The following BBS4 variants were observed in gnomAD, a reference collection of about 807,000 sequenced individuals.
BBS4 encodes BBSome complex member BBS4.
A neutral mutation model predicts 71.4 loss-of-function variants in BBS4; 58 were observed. The observed-to-expected ratio is 0.81, with a 90% CI of 0.66 to 1.01. The LOEUF is 1.01. Ranked by LOEUF, BBS4 falls within the 50% of genes least tolerant of loss-of-function variation. The pLI is 0.00. For missense variants in BBS4, 660 were observed against 607.9 expected (o/e 1.09, Z -0.90); for synonymous variants, 228 against 216.8 (o/e 1.05, Z -0.46).
intron 8 of BBS4, among the ~76,000 whole-genome samples, chr15:72,726,190 C>T (rs1261157945): frequency 6.6e-6 from 1 of 151,776 alleles, no homozygotes; most frequent in African/African-American, 2.4e-5. Context: ...CGCCTCACTG[C>T]AACCTCTGCC....
intron 6 of BBS4, 100 bp from the exon 7 acceptor site, chr15:72,722,694 C>G: frequency 9.2e-7 from 1 of 1,092,800 alleles, no homozygotes; most frequent in Admixed American, 1.8e-5. Context: ...AAAGTTTAAA[C>G]CTTGCCGAGC....
At position 72,725,765 on chromosome 15, in the gene BBS4, C is replaced by CCCCCTTCCTCTT. The variant is rs377550904; in HGVS notation, c.587+1121_587+1132dup. Reference sequence around the variant, plus strand: ...CCTTTCCCTTTCCCCCTTCCCCCTTCCCCCTTCCTCTTCCCCTTCCTCCTT... The same window carrying CCCCCTTCCTCTT: ...CCTTTCCCTTTCCCCCTTCCCCCTTCCCCCTTCCTCTTCCCCTTCCTCTTCCCCTTCCTCCTT... On this transcript the variant is annotated intron_variant, in intron 8 of 15. Transcript: ENST00000268057. Among the ~76,000 whole-genome samples the CCCCCTTCCTCTT allele has an allele frequency of 7.8e-3, 492 of 63,048 alleles. 98 individuals are homozygous for CCCCCTTCCTCTT. In the East Asian group the frequency reaches 0.082, roughly 11 times the overall value. The allele number at this position is 63,048 out of a possible 152,430, so 41.4% of individuals were successfully genotyped here.
chr15:72,709,875 T>C, intron 3 of BBS4, 96 bp downstream of exon 3: 1 of 995,020 alleles, frequency 1.0e-6, no homozygotes, highest in South Asian at 1.3e-5. Context: ...TATATCTCAG[T>C]GATAAAACAT....
chr15:72,709,779 G>GGT lies in BBS4; in HGVS notation c.156+1_156+2dup. Reference sequence around the variant, plus strand: ...TCCGGAAAGATTATGAAGCCTGCAAGGTAAGAGATTGCCATAATAATAAAA... The same window carrying GGT: ...TCCGGAAAGATTATGAAGCCTGCAAGGTGTAAGAGATTGCCATAATAATAAAA... On this transcript the variant is annotated frameshift_variant and splice_region_variant. Coordinates refer to ENST00000268057, the MANE Select transcript of BBS4 (RefSeq NM_033028.5). LOFTEE classifies it high-confidence loss of function. The GGT allele has an allele frequency of 6.2e-7, 1 of 1,611,628 alleles. No individual in the cohort carries two copies. The highest frequency in any genetic ancestry group is 8.5e-7 in the Non-Finnish European group (1 of 1,178,140).
At chr15:72,700,006 C>A (rs2065141916) in intron 2 of BBS4, among the ~76,000 whole-genome samples, 1 of 152,184 alleles carries the variant, frequency 6.6e-6, no homozygotes, top group South Asian at 2.1e-4. Flanking sequence ...GTGGTGCGAT[C>A]TCAGCTCACT....
At chr15:72,726,931 A>C (rs2065713536) in intron 8 of BBS4, among the ~76,000 whole-genome samples, 1 of 152,264 alleles carries the variant, frequency 6.6e-6, no homozygotes, top group South Asian at 2.1e-4. Context: ...CTGAAGCCTT[A>C]CTGAGAAGAT....
At chr15:72,715,191 G>A (rs2065445785) in intron 4 of BBS4, 100 bp from the exon 5 acceptor site, 3 of 795,676 alleles carry the variant, frequency 3.8e-6, no homozygotes, top group South Asian at 1.4e-5. Context: ...TTTACTTGAT[G>A]TGGTTTCCCA....
intron 4 of BBS4, among the ~76,000 whole-genome samples, chr15:72,713,043 C>G (rs2065403850): frequency 6.7e-6 from 1 of 149,374 alleles, no homozygotes; most frequent in African/African-American, 2.5e-5. Flanking sequence ...GGTAGAGAGA[C>G]AGAGTCTCAC....
At chr15:72,729,201 T>A (rs2151043123) in intron 9 of BBS4, among the ~76,000 whole-genome samples, 1 of 120,314 alleles carries the variant, frequency 8.3e-6, no homozygotes. Flanking sequence ...TCAAGAGAAC[T>A]CAAAAAAGCC....
At chr15:72,730,406 G>A (rs986297922) in intron 10 of BBS4, among the ~76,000 whole-genome samples, 4 of 152,296 alleles carry the variant, frequency 2.6e-5, no homozygotes, top group African/African-American at 7.2e-5. Flanking sequence ...AGACCAGGCT[G>A]GGCCACATAG....
At chr15:72,726,874 A>C (rs1358913432) in intron 8 of BBS4, among the ~76,000 whole-genome samples, 1 of 152,242 alleles carries the variant, frequency 6.6e-6, no homozygotes, top group Non-Finnish European at 1.5e-5. Context: ...CTGATCAAGG[A>C]CTTTGGTCAC....
intron 12 of BBS4, among the ~76,000 whole-genome samples, chr15:72,733,000 T>C (rs1046591982): frequency 6.6e-6 from 1 of 152,098 alleles, no homozygotes; most frequent in Non-Finnish European, 1.5e-5. Flanking sequence ...ATTGGCCCAG[T>C]GTCAGGGCCC....
At chr15:72,736,065 T>G (rs2065917800) in intron 14 of BBS4, 99 bp downstream of exon 14, 1 of 1,370,864 alleles carries the variant, frequency 7.3e-7, no homozygotes, top group African/African-American at 1.4e-5. Context: ...TACACGTTCA[T>G]GGCTGTTCTG....
At chr15:72,726,286 A>G (rs1189032927) in intron 8 of BBS4, among the ~76,000 whole-genome samples, 2 of 151,782 alleles carry the variant, frequency 1.3e-5, no homozygotes, top group Non-Finnish European at 2.9e-5. Flanking sequence ...TAATGTTTGT[A>G]TTTTTAGCAG....
intron 4 of BBS4, among the ~76,000 whole-genome samples, chr15:72,713,415 C>T (rs927605598): frequency 6.6e-6 from 1 of 151,992 alleles, no homozygotes; most frequent in African/African-American, 2.4e-5. Context: ...CACTGTCTTC[C>T]ACCTCCTTAT....
chr15:72,735,353 C>G lies in BBS4; in HGVS notation c.1106+171C>G, dbSNP rs138547420. 1.5e-4 allele frequency: 98 copies of G among 661,660 alleles called. No homozygotes were observed. In the East Asian group the frequency reaches 2.4e-3, roughly 16 times the overall value. 41.0% of individuals were successfully genotyped at this position (661,660 alleles called of 1,614,324 possible). On this transcript the variant is annotated intron_variant, in intron 13 of 15. Transcript: ENST00000268057. ...TGTGTCTCCTAAGTATGTGGTGGCT[C>G]AGCAGGAATTGACACTCTGAGAAAA...
chr15:72,705,711 C>T lies in BBS4; in HGVS notation c.77-3989C>T, dbSNP rs144346785. Among the ~76,000 whole-genome samples the T allele has an allele frequency of 4.2e-3, 627 of 149,668 alleles. 19 individuals are homozygous for T. Among genetic ancestry groups the T allele is most frequent in the Admixed American group, 0.037 (549 of 14,824 alleles). ...GGCTCAAGCAATCCTCCTAACTCAG[C>T]CTCCTGAGTAGCTGGGACTACAGGC... On this transcript the variant is annotated intron_variant, in intron 2 of 15. Transcript: ENST00000268057.
At position 72,731,892 on chromosome 15, in the gene BBS4, A is replaced by G. The variant is rs557978297; in HGVS notation, c.1036+166A>G. Among the ~76,000 whole-genome samples the G allele has an allele frequency of 9.4e-4, 143 of 152,304 alleles. 1 individual carries two copies. Among genetic ancestry groups the G allele is most frequent in the South Asian group, 1.9e-3 (9 of 4,824 alleles). ...CTTGAAGAAATAGAAAAAGATGACAAAGGAACTTGGTTGTTTCTAACTTGG... is the reference window on the plus strand; with the variant it reads ...CTTGAAGAAATAGAAAAAGATGACAGAGGAACTTGGTTGTTTCTAACTTGG... On this transcript the variant is annotated intron_variant, in intron 12 of 15. Coordinates refer to ENST00000268057, the MANE Select transcript of BBS4 (RefSeq NM_033028.5).
At position 72,716,805 on chromosome 15, in the gene BBS4, C is replaced by T. The variant is rs1435186617; in HGVS notation, c.360C>T (p.Ala120=). 1.7e-5 allele frequency: 27 copies of T among 1,610,248 alleles called. No individual in the cohort carries two copies. Among genetic ancestry groups the T allele is most frequent in the Non-Finnish European group, 2.3e-5 (27 of 1,178,344 alleles). Reference sequence around the variant, plus strand: ...TTCTTTTGGGAAAACATAAAGCTGCCATTGAAGTATATAATGAAGCAGCTA... The same window carrying T: ...TTCTTTTGGGAAAACATAAAGCTGCTATTGAAGTATATAATGAAGCAGCTA... ...SLFLLGKHKA[A]IEVYNEAAKL... is the part of the protein sequence containing the mutation. Residue 120 remains alanine (A), a synonymous_variant, in exon 6 of 16, where the codon GCC becomes GCT. Coordinates refer to ENST00000268057, the MANE Select transcript of BBS4 (RefSeq NM_033028.5).
Sources: gnomAD v4.1 joint callset for allele counts (sites outside exome capture counted in the v4.1 genomes callset) on GRCh38, gnomAD v4.1.1 for gene constraint, MANE v1.5 for transcripts, NCBI Gene and HGNC (gene_info 2026-07-23, HGNC 2026-07-21) for gene names.